The following NAV1 variants were observed in gnomAD, a reference collection of about 807,000 sequenced individuals.
NAV1 encodes neuron navigator 1, also known as pore membrane and/or filament interacting like protein 3.
NAV1 carries 18 observed loss-of-function variants against 175.2 expected under a neutral mutation model. The ratio of observed to expected loss-of-function variants is 0.10; its 90% CI spans 0.07 to 0.15. The LOEUF (loss-of-function observed/expected upper bound fraction) is 0.15. Ranked by LOEUF, NAV1 falls within the 10% of genes least tolerant of loss-of-function variation. The pLI is 1.00. For synonymous variants in NAV1, 897 were observed against 978.7 expected, an observed-to-expected ratio of 0.92 and a Z score of 1.56; for missense variants, 1,731 against 2,436.6, an observed-to-expected ratio of 0.71 and a Z score of 6.10.
At chr1:201,805,856 A>C (rs893124904) in intron 17 of NAV1, among the ~76,000 whole-genome samples, 1 of 152,094 alleles carries the variant, frequency 6.6e-6, no homozygotes, top group Non-Finnish European at 1.5e-5. Flanking sequence ...TGGGAGGTGG[A>C]GGTTGAGTGA....
intron 3 of NAV1, chr1:201,739,802 G>T: frequency 8.1e-7 from 1 of 1,227,506 alleles, no homozygotes; most frequent in Admixed American, 4.3e-5. Context: ...AGAAGTCAGC[G>T]GCGGGGAAAT....
intron 2 of NAV1, among the ~76,000 whole-genome samples, chr1:201,605,856 G>C (rs907798014): frequency 6.7e-6 from 1 of 149,574 alleles, no homozygotes; most frequent in Non-Finnish European, 1.5e-5. Flanking sequence ...TAAGCACTGT[G>C]GGGGGGTGTG....
chr1:201,573,641 C>G (rs1388670705), intron 1 of NAV1, among the ~76,000 whole-genome samples: 1 of 152,188 alleles, frequency 6.6e-6, no homozygotes, highest in African/African-American at 2.4e-5. Context: ...ACCTATCTCC[C>G]AGGGATCTTG....
chr1:201,749,315 A>AG (rs1456549711), intron 3 of NAV1, among the ~76,000 whole-genome samples: 1 of 152,350 alleles, frequency 6.6e-6, no homozygotes, highest in East Asian at 1.9e-4. Context: ...GGTGAAGCAA[A>AG]GAGAAATATA....
intron 3 of NAV1, among the ~76,000 whole-genome samples, chr1:201,743,048 A>G (rs766752259): frequency 6.6e-6 from 1 of 152,154 alleles, no homozygotes; most frequent in Non-Finnish European, 1.5e-5. Context: ...TTTAATCTTC[A>G]CAACAACCGT....
At chr1:201,726,251 G>T (rs1246552830) in intron 3 of NAV1, among the ~76,000 whole-genome samples, 1 of 152,152 alleles carries the variant, frequency 6.6e-6, no homozygotes, top group African/African-American at 2.4e-5. Flanking sequence ...GTCTTAGTTT[G>T]TTCATTTGTA....
chr1:201,713,662 G>T (rs1397227383), intron 2 of NAV1, among the ~76,000 whole-genome samples: 4 of 152,224 alleles, frequency 2.6e-5, no homozygotes, highest in African/African-American at 4.8e-5. Flanking sequence ...GCTGGGCTAA[G>T]CTCTGGGGAC....
At chr1:201,589,375 A>G (rs1667126081) in intron 2 of NAV1, among the ~76,000 whole-genome samples, 1 of 152,266 alleles carries the variant, frequency 6.6e-6, no homozygotes, top group Admixed American at 6.5e-5. Context: ...TTCCTCATCC[A>G]TAAAATGGGG....
At chr1:201,778,322 CT>C (rs572218085) in intron 3 of NAV1, among the ~76,000 whole-genome samples, 266 of 152,338 alleles carry the variant, frequency 1.7e-3, no homozygotes, top group Non-Finnish European at 2.7e-3. Context: ...TAAGAGCTTT[CT>C]TTGCCTCACG....
At chr1:201,650,332 C>T (rs1433081483) in intron 1 of NAV1, among the ~76,000 whole-genome samples, 1 of 152,248 alleles carries the variant, frequency 6.6e-6, no homozygotes, top group Non-Finnish European at 1.5e-5. Context: ...AGGAATAGAT[C>T]TGGGATGTGC....
At chr1:201,652,642 C>CTG (rs779680645) in intron 1 of NAV1, among the ~76,000 whole-genome samples, 11 of 151,140 alleles carry the variant, frequency 7.3e-5, no homozygotes, top group Non-Finnish European at 1.2e-4. Flanking sequence ...GTGACCCCCT[C>CTG]TGGGACTCAG....
intron 1 of NAV1, among the ~76,000 whole-genome samples, chr1:201,566,109 A>G (rs1571823962): frequency 6.6e-6 from 1 of 151,688 alleles, no homozygotes; most frequent in African/African-American, 2.4e-5. Flanking sequence ...CCTCCCCCAC[A>G]CTCTGCCCCA....
intron 3 of NAV1, among the ~76,000 whole-genome samples, chr1:201,764,595 C>T (rs1460359133): frequency 6.6e-6 from 1 of 152,156 alleles, no homozygotes; most frequent in Non-Finnish European, 1.5e-5. Flanking sequence ...AACACATACA[C>T]TTGGGGGGAA....
chr1:201,555,522 T>C (rs999467498), intron 1 of NAV1, among the ~76,000 whole-genome samples: 3 of 151,878 alleles, frequency 2.0e-5, no homozygotes, highest in East Asian at 3.9e-4. Flanking sequence ...GTCAGGAGGG[T>C]AAGCCAGTCT....
At chr1:201,647,323 C>T (rs1232234398), upstream of NAV1, among the ~76,000 whole-genome samples, 1 of 152,176 alleles carries the variant, frequency 6.6e-6, no homozygotes, top group African/African-American at 2.4e-5. Flanking sequence ...GGAAGAAGGG[C>T]TTGGGAAACA....
At chr1:201,789,841 C>T in intron 11 of NAV1, 49 bp downstream of exon 15, 1 of 1,557,156 alleles carries the variant, frequency 6.4e-7, no homozygotes, top group Non-Finnish European at 8.9e-7. Flanking sequence ...CCTCTACCAT[C>T]CCATGCTCCC....
At chr1:201,660,819 TG>T (rs1344341955) in intron 1 of NAV1, among the ~76,000 whole-genome samples, 13 of 152,200 alleles carry the variant, frequency 8.5e-5, no homozygotes, top group Admixed American at 8.5e-4. Context: ...GGAGGAGTCC[TG>T]GGGGCCCCCT....
intron 1 of NAV1, among the ~76,000 whole-genome samples, chr1:201,709,968 A>G (rs1052096104): frequency 6.6e-6 from 1 of 152,058 alleles, no homozygotes; most frequent in Non-Finnish European, 1.5e-5. Context: ...GAGACTCTGA[A>G]ATAGTCCCAC....
exon 16 of NAV1, chr1:201,803,600 G>T (rs1331421993): frequency 1.2e-6 from 2 of 1,613,210 alleles, no homozygotes; most frequent in South Asian, 1.1e-5. Flanking sequence ...TAGAACTTCG[G>T]ATCAAGAGAC....
Sources: gnomAD v4.1 joint callset for allele counts (sites outside exome capture counted in the v4.1 genomes callset) on GRCh38, gnomAD v4.1.1 for gene constraint, MANE v1.5 for transcripts, NCBI Gene and HGNC (gene_info 2026-07-23, HGNC 2026-07-21) for gene names.